Variants in VIPR2 observed in about 807,000 individuals in gnomAD.
VIPR2 encodes the protein vasoactive intestinal polypeptide receptor 2.
A neutral mutation model predicts 58.0 loss-of-function variants in VIPR2; 48 were observed. The ratio of observed to expected loss-of-function variants is 0.83; its 90% CI spans 0.66 to 1.05. VIPR2 has a LOEUF of 1.05. Among genes scored for constraint, VIPR2 ranks in the 50% least tolerant of loss-of-function variants. VIPR2 has a pLI of 0.00. For synonymous variants in VIPR2, 243 were observed against 235.2 expected, an observed-to-expected ratio of 1.03 and a Z score of -0.30; for missense variants, 534 against 558.0, an observed-to-expected ratio of 0.96 and a Z score of 0.43.
At chr7:159,136,347 C>T (rs1797226769) in intron 2 of VIPR2, among the ~76,000 whole-genome samples, 1 of 152,160 alleles carries the variant, frequency 6.6e-6, no homozygotes, top group African/African-American at 2.4e-5. Flanking sequence ...GCTTTCATGA[C>T]CCAATCACCT....
At chr7:159,076,730 A>G (rs1856655161) in intron 4 of VIPR2, among the ~76,000 whole-genome samples, 1 of 152,266 alleles carries the variant, frequency 6.6e-6, no homozygotes, top group Non-Finnish European at 1.5e-5. Flanking sequence ...AACTTTCAGA[A>G]AAACAGGAAT....
chr7:159,123,288 TAAAA>T (rs370294230), intron 2 of VIPR2, among the ~76,000 whole-genome samples: 990 of 72,848 alleles, frequency 0.014, 15 homozygotes, highest in African/African-American at 0.049. Flanking sequence ...CAAGACTCTG[TAAAA>T]AAAAAAAAAA....
chr7:159,132,976 CGATTGATTT>C (rs1797030424), intron 2 of VIPR2, among the ~76,000 whole-genome samples: 1 of 72,366 alleles, frequency 1.4e-5, no homozygotes, highest in Admixed American at 1.4e-4. Flanking sequence ...ATTGGCATAC[CGATTGATTT>C]TAGACAGAAT....
chr7:159,121,678 C>A (rs1218426504), intron 2 of VIPR2, among the ~76,000 whole-genome samples: 1 of 152,070 alleles, frequency 6.6e-6, no homozygotes, highest in Non-Finnish European at 1.5e-5. Context: ...TTCCACAGTA[C>A]AATCATAACA....
At chr7:159,122,704 GCAGATGTAA>G (rs150285307) in intron 2 of VIPR2, among the ~76,000 whole-genome samples, 22,360 of 152,096 alleles carry the variant, frequency 0.15, 1,713 homozygotes, top group Non-Finnish European at 0.16. Flanking sequence ...GCTCTAAAAT[GCAGATGTAA>G]CAGAGTTTGT....
At chr7:159,058,918 A>G (rs1855478187) in intron 4 of VIPR2, among the ~76,000 whole-genome samples, 1 of 152,222 alleles carries the variant, frequency 6.6e-6, no homozygotes, top group Non-Finnish European at 1.5e-5. Context: ...TCTGTCTCCG[A>G]GGCAGCACAT....
In VIPR2 at chr7:159,030,580, T is replaced by TG. The variant is rs1299665452; in HGVS notation, c.*35dup. 4.0e-6 allele frequency: 6 copies of TG among 1,498,718 alleles called. No homozygotes were observed. The South Asian group carries it at 5.3e-5, about 13-fold the overall frequency. 92.8% of individuals were successfully genotyped at this position (1,498,718 alleles called of 1,614,324 possible). On this transcript the variant is annotated 3_prime_UTR_variant, in exon 13 of 13. Transcript: ENST00000262178. Reference sequence around the variant, plus strand: ...TCAGCCCCGCAGAAGCCCCGAACCGTGGGCCTCCCGCCGCGTCCGACAGGC... The same window carrying TG: ...TCAGCCCCGCAGAAGCCCCGAACCGTGGGGCCTCCCGCCGCGTCCGACAGGC...
intron 5 of VIPR2, among the ~76,000 whole-genome samples, 195 bp downstream of exon 5, chr7:159,058,286 T>C (rs1214057832): frequency 1.3e-5 from 2 of 152,214 alleles, no homozygotes; most frequent in Non-Finnish European, 2.9e-5. Context: ...GTCAGCATTA[T>C]CTCTTTACAT....
At chr7:159,073,623 G>T (rs1032379802) in intron 4 of VIPR2, among the ~76,000 whole-genome samples, 4 of 152,130 alleles carry the variant, frequency 2.6e-5, no homozygotes, top group Non-Finnish European at 4.4e-5. Flanking sequence ...TACCCAGGCT[G>T]GTCTTGAACT....
intron 5 of VIPR2, among the ~76,000 whole-genome samples, chr7:159,049,840 T>C (rs910540561): frequency 5.3e-5 from 8 of 152,172 alleles, no homozygotes; most frequent in Non-Finnish European, 1.5e-5. Flanking sequence ...AGAGAGCACC[T>C]GGCTGCTTGA....
intron 2 of VIPR2, among the ~76,000 whole-genome samples, chr7:159,130,151 T>C (rs994746134): frequency 2.5e-4 from 38 of 152,250 alleles, no homozygotes; most frequent in African/African-American, 8.9e-4. Flanking sequence ...GAGACCTGAT[T>C]TAACCATACC....
intron 2 of VIPR2, among the ~76,000 whole-genome samples, chr7:159,133,093 C>A (rs1206574324): frequency 7.0e-6 from 1 of 143,532 alleles, no homozygotes; most frequent in African/African-American, 2.5e-5. Context: ...ATTTTGATTT[C>A]TTGCCTTTTC....
At chr7:159,073,798 G>T (rs192539335) in intron 4 of VIPR2, among the ~76,000 whole-genome samples, 13 of 152,280 alleles carry the variant, frequency 8.5e-5, no homozygotes, top group Admixed American at 7.2e-4. Context: ...CACATGGAGT[G>T]GGGGAGCCCC....
At chr7:159,061,068 C>T (rs138440866) in intron 4 of VIPR2, among the ~76,000 whole-genome samples, 13 of 152,272 alleles carry the variant, frequency 8.5e-5, no homozygotes, top group Non-Finnish European at 1.8e-4. Flanking sequence ...ACTGAAATCA[C>T]GTCCTTTGAA....
At chr7:159,042,559 T>C (rs962175055) in intron 6 of VIPR2, among the ~76,000 whole-genome samples, 1 of 152,204 alleles carries the variant, frequency 6.6e-6, no homozygotes, top group Non-Finnish European at 1.5e-5. Flanking sequence ...TATTCATAGA[T>C]ATGCAACTGA....
chr7:159,066,137 C>A, intron 4 of VIPR2, among the ~76,000 whole-genome samples: 1 of 150,966 alleles, frequency 6.6e-6, no homozygotes, highest in African/African-American at 2.4e-5. Context: ...CCACGTTGTC[C>A]ATGGGATTCC....
Position 159,031,552 on chromosome 7 carries a change from G to T in VIPR2, c.1143+276C>A. The T allele has an allele frequency of 1.0e-6, 1 of 985,320 alleles. No individual in the cohort carries two copies. Among genetic ancestry groups the T allele is most frequent in the East Asian group, 1.1e-4 (1 of 8,782 alleles). 61.0% of individuals were successfully genotyped at this position (985,320 alleles called of 1,614,324 possible). A position where few individuals can be genotyped will look rare whatever the true frequency, so the allele number is the denominator to read the frequency against. On this transcript the variant is annotated intron_variant, in intron 12 of 12. Transcript: ENST00000262178. The surrounding 1 kb of genome is among the most constrained non-coding windows in gnomAD (Gnocchi z 4.0). ...GGAAAAACAGATTCTGTCTAGACCCGGCCGGGAGCTTTCCCGAGAGGGCTC... is the reference window on the plus strand; with the variant it reads ...GGAAAAACAGATTCTGTCTAGACCCTGCCGGGAGCTTTCCCGAGAGGGCTC...
intron 2 of VIPR2, among the ~76,000 whole-genome samples, chr7:159,133,673 G>A (rs1355625943): frequency 1.3e-5 from 2 of 152,172 alleles, no homozygotes; most frequent in Non-Finnish European, 2.9e-5. Context: ...ACGTCTATAT[G>A]TATGTATGTT....
chr7:159,129,600 T>C (rs1235641), intron 2 of VIPR2, among the ~76,000 whole-genome samples: 188 of 248 alleles, frequency 0.76, 93 homozygotes, highest in East Asian at 1. Context: ...CACTCTGTTC[T>C]CTCAAACTGG....
Sources: gnomAD v4.1 joint callset for allele counts (sites outside exome capture counted in the v4.1 genomes callset) on GRCh38, gnomAD v4.1.1 for gene constraint, Gnocchi (gnomAD v3.1) non-coding constraint, MANE v1.5 for transcripts, NCBI Gene and HGNC (gene_info 2026-07-23, HGNC 2026-07-21) for gene names.